PLXDC2: variants seen among roughly 807,000 people sequenced by gnomAD.
The protein encoded by PLXDC2 is plexin domain containing 2.
A neutral mutation model predicts 68.9 loss-of-function variants in PLXDC2; 40 were observed. The ratio of observed to expected loss-of-function variants is 0.58; its 90% confidence interval spans 0.45 to 0.76. PLXDC2 has a LOEUF of 0.76. Ranked by LOEUF, PLXDC2 falls within the 30% of genes least tolerant of loss-of-function variation. The pLI is 0.00. For missense variants in PLXDC2, 644 were observed against 661.9 expected, an observed-to-expected ratio of 0.97 and a Z score of 0.30; for synonymous variants, 243 against 234.2, an observed-to-expected ratio of 1.04 and a Z score of -0.34.
chr10:19,929,633 C>G (rs1833593856), intron 1 of PLXDC2, among the ~76,000 whole-genome samples: 1 of 152,096 alleles, frequency 6.6e-6, no homozygotes, highest in South Asian at 2.1e-4. Flanking sequence ...AATTTTTTCT[C>G]TCTTGTACAG....
At chr10:19,984,757 C>T (rs1212799397) in intron 1 of PLXDC2, among the ~76,000 whole-genome samples, 1 of 152,172 alleles carries the variant, frequency 6.6e-6, no homozygotes, top group Admixed American at 6.5e-5. Flanking sequence ...TCTGATCTAG[C>T]TGCCTCAGTA....
At chr10:20,221,781 A>G (rs903550440) in intron 12 of PLXDC2, among the ~76,000 whole-genome samples, 3 of 152,222 alleles carry the variant, frequency 2.0e-5, no homozygotes, top group African/African-American at 7.2e-5. Context: ...AATAATGAAT[A>G]AGTGTGCCTA....
At chr10:20,133,973 C>T (rs1166004408) in intron 4 of PLXDC2, among the ~76,000 whole-genome samples, 1 of 152,126 alleles carries the variant, frequency 6.6e-6, no homozygotes, top group African/African-American at 2.4e-5. Context: ...CTTTCTCCTG[C>T]TTTAACAAGT....
intron 10 of PLXDC2, among the ~76,000 whole-genome samples, chr10:20,212,177 G>C (rs1218584235): frequency 6.6e-6 from 1 of 151,926 alleles, no homozygotes; most frequent in Non-Finnish European, 1.5e-5. Flanking sequence ...ATCTGTAGAG[G>C]AGTTCTCTTA....
At chr10:20,116,432 C>T (rs974576244) in intron 4 of PLXDC2, among the ~76,000 whole-genome samples, 2 of 152,088 alleles carry the variant, frequency 1.3e-5, no homozygotes, top group African/African-American at 4.8e-5. Flanking sequence ...ACCCATTTCT[C>T]CCTGTTATCA....
chr10:20,227,554 A>G (rs539382259), intron 12 of PLXDC2, among the ~76,000 whole-genome samples: 197 of 152,234 alleles, frequency 1.3e-3, no homozygotes, highest in African/African-American at 4.5e-3. Context: ...AGTTATATAC[A>G]TAGTGCTTTA....
At chr10:19,939,150 T>A (rs1833774964) in intron 1 of PLXDC2, among the ~76,000 whole-genome samples, 2 of 152,160 alleles carry the variant, frequency 1.3e-5, no homozygotes, top group Non-Finnish European at 2.9e-5. Context: ...GATAAACAGG[T>A]GCAAATTTGT....
At chr10:20,034,135 T>TAAG (rs1835542819) in intron 2 of PLXDC2, among the ~76,000 whole-genome samples, 1 of 152,194 alleles carries the variant, frequency 6.6e-6, no homozygotes, top group South Asian at 2.1e-4. Flanking sequence ...TGAAATATTA[T>TAAG]AAGTTTGAAA....
chr10:19,880,674 T>A (rs530017860), intron 1 of PLXDC2, among the ~76,000 whole-genome samples: 3 of 152,224 alleles, frequency 2.0e-5, no homozygotes, highest in Non-Finnish European at 2.9e-5. Flanking sequence ...TTCAGTACTT[T>A]CCATGAGTTA....
intron 4 of PLXDC2, among the ~76,000 whole-genome samples, chr10:20,069,040 T>C (rs1400178639): frequency 6.6e-6 from 1 of 152,086 alleles, no homozygotes; most frequent in African/African-American, 2.4e-5. Flanking sequence ...AGAAATTCCA[T>C]AGGTGTACAA....
chr10:19,847,598 C>T (rs888095556), intron 1 of PLXDC2, among the ~76,000 whole-genome samples: 2 of 152,276 alleles, frequency 1.3e-5, no homozygotes, highest in South Asian at 4.1e-4. Flanking sequence ...AACAAGCCTC[C>T]GGGAAATTCC....
At chr10:19,898,490 A>G (rs952525876) in intron 1 of PLXDC2, among the ~76,000 whole-genome samples, 5 of 152,246 alleles carry the variant, frequency 3.3e-5, no homozygotes, top group Non-Finnish European at 7.3e-5. Flanking sequence ...AACAGTGACA[A>G]CAAAAATTAA....
At chr10:19,845,624 T>A (rs1160093537) in intron 1 of PLXDC2, among the ~76,000 whole-genome samples, 1 of 152,158 alleles carries the variant, frequency 6.6e-6, no homozygotes, top group South Asian at 2.1e-4. Flanking sequence ...AACAGCTTTA[T>A]GAAAGAGGCA....
chr10:19,943,984 A>G (rs1046280690), intron 1 of PLXDC2, among the ~76,000 whole-genome samples: 1 of 152,182 alleles, frequency 6.6e-6, no homozygotes. Flanking sequence ...AATTCTTACT[A>G]CTTTCCTCTA....
chr10:20,177,188 C>T (rs1834539317), intron 8 of PLXDC2, 94 bp downstream of exon 8: 4 of 1,346,552 alleles, frequency 3.0e-6, no homozygotes, highest in Admixed American at 1.7e-5. Context: ...TAAATAATTA[C>T]CATTATAATT....
intron 1 of PLXDC2, among the ~76,000 whole-genome samples, chr10:19,817,443 C>T (rs980601453): frequency 1.3e-5 from 2 of 152,158 alleles, no homozygotes; most frequent in Non-Finnish European, 2.9e-5. Context: ...GGTACTGTCT[C>T]CCCAAAGTAG....
intron 12 of PLXDC2, among the ~76,000 whole-genome samples, chr10:20,228,235 G>A (rs1391252933): frequency 1.3e-5 from 2 of 152,128 alleles, no homozygotes; most frequent in African/African-American, 4.8e-5. Context: ...TGAAGTTAAG[G>A]AGATGAATTA....
At chr10:20,135,311 T>C (rs1451976357) in intron 4 of PLXDC2, among the ~76,000 whole-genome samples, 2 of 152,196 alleles carry the variant, frequency 1.3e-5, no homozygotes, top group Non-Finnish European at 2.9e-5. Flanking sequence ...CTGCAAGGGT[T>C]GGCATGCATA....
intron 2 of PLXDC2, among the ~76,000 whole-genome samples, chr10:20,032,037 T>C (rs998286405): frequency 6.6e-6 from 1 of 152,102 alleles, no homozygotes; most frequent in African/African-American, 2.4e-5. Context: ...GCCAGGCTGG[T>C]CTTGAACTTC....
Sources: gnomAD v4.1 joint callset for allele counts (sites outside exome capture counted in the v4.1 genomes callset) on GRCh38, gnomAD v4.1.1 for gene constraint, MANE v1.5 for transcripts, NCBI Gene and HGNC (gene_info 2026-07-23, HGNC 2026-07-21) for gene names.